The following NCS1 variants were observed in gnomAD, a reference collection of about 807,000 sequenced individuals.
NCS1 encodes the protein neuronal calcium sensor 1, also known as frequenin homolog.
NCS1 carries 6 observed loss-of-function variants against 28.4 expected under a neutral mutation model. That is an observed-to-expected ratio of 0.21 (90% CI 0.12 to 0.42). NCS1 has a LOEUF of 0.42. NCS1 is among the 10% of genes least tolerant of loss of function. The probability of loss-of-function intolerance (pLI) is 1.00; values close to 1 mark genes in which losing one functional copy is unlikely to be tolerated. For synonymous variants in NCS1, 86 were observed against 99.3 expected (o/e 0.87, Z 0.79); for missense variants, 131 against 241.4 (o/e 0.54, Z 3.03).
rs187942709 is a variant in NCS1 at position 130,223,637 on chromosome 9, C to T, written c.474+478C>T. ...CCGAAATTGCGAGCTGTAATATCTG[C>T]AGCAACTAGGGTGTGTTATGAAAAT... On this transcript the variant is annotated intron_variant, in intron 6 of 7. Coordinates refer to ENST00000372398, the MANE Select transcript of NCS1 (RefSeq NM_014286.4). Among the ~76,000 whole-genome samples, 33 of 152,222 alleles carry T rather than the reference C, an allele frequency of 2.2e-4. No homozygotes were observed. The East Asian group carries it at 6.0e-3, about 28-fold the overall frequency.
At chr9:130,230,801 C>T (rs1370134557) in intron 7 of NCS1, among the ~76,000 whole-genome samples, 1 of 29,804 alleles carries the variant, frequency 3.4e-5, no homozygotes, top group Admixed American at 3.5e-4. Context: ...TGTGCCCTCC[C>T]CCCCCACCCC....
At chr9:130,212,966 G>C (rs1189237145) in intron 2 of NCS1, among the ~76,000 whole-genome samples, 3 of 152,136 alleles carry the variant, frequency 2.0e-5, no homozygotes, top group African/African-American at 7.2e-5. Flanking sequence ...GGGTGGCTGG[G>C]AAGGTTCAGA....
chr9:130,201,729 A>G (rs1174067399), intron 2 of NCS1, among the ~76,000 whole-genome samples: 2 of 152,056 alleles, frequency 1.3e-5, no homozygotes, highest in African/African-American at 2.4e-5. Flanking sequence ...GCCACTCCCT[A>G]CACCTCCCTG....
intron 3 of NCS1, among the ~76,000 whole-genome samples, chr9:130,218,750 C>T (rs1286072630): frequency 1.3e-5 from 2 of 152,140 alleles, no homozygotes; most frequent in Admixed American, 1.3e-4. Context: ...GTCACCACAC[C>T]TGGCTAATTT....
At chr9:130,195,359 T>C (rs1832864553) in intron 1 of NCS1, among the ~76,000 whole-genome samples, 2 of 151,880 alleles carry the variant, frequency 1.3e-5, no homozygotes, top group Non-Finnish European at 2.9e-5. Context: ...ACAGACCTCA[T>C]GTGAAGGGGG....
chr9:130,216,730 AAG>A (rs1554909438), intron 2 of NCS1, among the ~76,000 whole-genome samples: 1 of 151,684 alleles, frequency 6.6e-6, no homozygotes, highest in East Asian at 1.9e-4. Context: ...AAAAAAAAAA[AAG>A]GCTTCCTCGT....
Position 130,215,586 on chromosome 9 carries a change from A to G in NCS1, c.90-2246A>G, listed in dbSNP as rs1891304. Among the ~76,000 whole-genome samples, 143,312 of 152,210 alleles carry G rather than the reference A, an allele frequency of 0.94. 67,481 individuals are homozygous for G. The highest frequency in any genetic ancestry group is 1 in the East Asian group (5,174 of 5,176). On this transcript the variant is annotated intron_variant, in intron 2 of 7. Transcript: ENST00000372398. This position sits in a 1 kb window ranked among gnomAD's most constrained non-coding sequence, Gnocchi z 4.2. Reference sequence around the variant, plus strand: ...GCAGGGCGGGCTCCGAGTCTCACGCATTGCTGTGGATGAATCTCCTGATCT... The same window carrying G: ...GCAGGGCGGGCTCCGAGTCTCACGCGTTGCTGTGGATGAATCTCCTGATCT...
At chr9:130,231,102 G>A (rs1457244308) in intron 7 of NCS1, among the ~76,000 whole-genome samples, 3 of 152,086 alleles carry the variant, frequency 2.0e-5, no homozygotes, top group Non-Finnish European at 4.4e-5. Flanking sequence ...TGTAATCCCA[G>A]CACTTTGGGA....
At chr9:130,176,194 C>CTTTCTTTCTTTCTTTT (rs1554904576) in intron 1 of NCS1, among the ~76,000 whole-genome samples, 1 of 50,136 alleles carries the variant, frequency 2.0e-5, no homozygotes, top group Non-Finnish European at 3.5e-5. Context: ...TTCTTTCTTT[C>CTTTCTTTCTTTCTTTT]TTTTTTTTTT....
intron 1 of NCS1, among the ~76,000 whole-genome samples, chr9:130,182,842 G>A (rs1832680245): frequency 6.6e-6 from 1 of 152,240 alleles, no homozygotes; most frequent in Admixed American, 6.5e-5. Context: ...CCTGCCCTGT[G>A]CCTGGCTCAG....
chr9:130,195,240 G>C (rs1832863227), intron 1 of NCS1, among the ~76,000 whole-genome samples: 1 of 152,154 alleles, frequency 6.6e-6, no homozygotes, highest in Non-Finnish European at 1.5e-5. Flanking sequence ...TTGCTGGGCT[G>C]GCCAAGGCCC....
At chr9:130,194,850 T>G (rs1832859731) in intron 1 of NCS1, among the ~76,000 whole-genome samples, 1 of 152,130 alleles carries the variant, frequency 6.6e-6, no homozygotes, top group Admixed American at 6.5e-5. Flanking sequence ...CCAGATGAAA[T>G]TGTGAAGGTC....
rs1243126367 is a variant in NCS1, at chr9:130,222,124, A to ATATATG, written c.308-525_308-524insATATGT. On this transcript the variant is annotated intron_variant, in intron 4 of 7. Coordinates refer to ENST00000372398, the MANE Select transcript of NCS1 (RefSeq NM_014286.4). ...TGTATATATATATACGTATATATAT[A>ATATATG]TGTGTATATATATATACGTATATAT... 2.4e-3 allele frequency among the ~76,000 whole-genome samples: 328 copies of ATATATG among 134,278 alleles called. 17 individuals are homozygous for ATATATG. Among genetic ancestry groups the ATATATG allele is most frequent in the African/African-American group, 9.3e-3 (318 of 34,312 alleles). 88.1% of individuals were successfully genotyped at this position (134,278 alleles called of 152,430 possible).
intron 7 of NCS1, among the ~76,000 whole-genome samples, chr9:130,229,677 G>A (rs1338223245): frequency 1.3e-5 from 2 of 152,150 alleles, no homozygotes; most frequent in African/African-American, 2.4e-5. Context: ...TCCATGACAA[G>A]CTTGTCAAAG....
At chr9:130,204,166 T>C (rs1344239001) in intron 2 of NCS1, among the ~76,000 whole-genome samples, 2 of 152,064 alleles carry the variant, frequency 1.3e-5, no homozygotes, top group African/African-American at 4.8e-5. Context: ...CTAATATTTT[T>C]GTATTTTTTT....
chr9:130,221,405 T>TAGAGAG (rs1191515274), intron 4 of NCS1, among the ~76,000 whole-genome samples: 2 of 41,810 alleles, frequency 4.8e-5, no homozygotes, highest in African/African-American at 2.0e-4. Flanking sequence ...TATATATATA[T>TAGAGAG]ATATATATAG....
chr9:130,201,580 G>C (rs1832948102), intron 2 of NCS1, among the ~76,000 whole-genome samples: 2 of 152,154 alleles, frequency 1.3e-5, no homozygotes, highest in South Asian at 4.1e-4. Flanking sequence ...GTCCGTCTTT[G>C]TGGAATGTGG....
intron 1 of NCS1, among the ~76,000 whole-genome samples, chr9:130,184,993 G>A (rs1179621494): frequency 6.6e-6 from 1 of 152,034 alleles, no homozygotes; most frequent in Non-Finnish European, 1.5e-5. Flanking sequence ...AAGGGGCTGG[G>A]GTTACAGGTG....
Position 130,186,892 on chromosome 9 carries a change from G to A in NCS1, c.65-14066G>A, listed in dbSNP as rs1040015172. Among the ~76,000 whole-genome samples, 2 of 152,332 alleles carry A rather than the reference G, an allele frequency of 1.3e-5. No homozygotes were observed. The highest frequency in any genetic ancestry group is 4.8e-5 in the African/African-American group (2 of 41,582). ...CTGTGCTCAGCCTGGCTCCAAGCAC[G>A]AGGGGCACTGACGAGCGATTGAGCA... On this transcript the variant is annotated intron_variant, in intron 1 of 7. Coordinates refer to ENST00000372398, the MANE Select transcript of NCS1 (RefSeq NM_014286.4). The surrounding 1 kb of genome is among the most constrained non-coding windows in gnomAD (Gnocchi z 4.1).
Sources: allele counts gnomAD v4.1 joint callset (sites outside exome capture counted in the v4.1 genomes callset), GRCh38; gene constraint gnomAD v4.1.1; non-coding constraint Gnocchi (gnomAD v3.1); transcripts MANE v1.5; gene names NCBI Gene and HGNC (gene_info 2026-07-23, HGNC 2026-07-21).